C6orf52: variants seen among roughly 807,000 people sequenced by gnomAD.
C6orf52 encodes the protein putative uncharacterized protein C6orf52.
C6orf52 carries 16 observed loss-of-function variants against 16.6 expected under a neutral mutation model. The observed-to-expected ratio is 0.96, with a 90% CI of 0.65 to 1.46. The LOEUF is 1.46. Ranked by LOEUF, C6orf52 falls within the 40% of genes most tolerant of loss-of-function variation. The pLI, the probability that C6orf52 is intolerant of heterozygous loss-of-function variation, is 0.00. For missense variants in C6orf52, 166 were observed against 182.3 expected (o/e 0.91, Z 0.52); for synonymous variants, 53 against 61.4 (o/e 0.86, Z 0.64).
chr6:10,672,141 C>T (rs1221877424), intron 4 of C6orf52, among the ~76,000 whole-genome samples: 3 of 152,200 alleles, frequency 2.0e-5, no homozygotes, highest in Non-Finnish European at 4.4e-5. Flanking sequence ...TTATTGCGAA[C>T]GTATTAAACG....
chr6:10,692,929 G>C (rs1408802343), intron 1 of C6orf52, among the ~76,000 whole-genome samples: 1 of 152,188 alleles, frequency 6.6e-6, no homozygotes, highest in Non-Finnish European at 1.5e-5. Context: ...ATTTGGCGTG[G>C]ACAAAGCTGG....
At chr6:10,688,390 A>G (rs1431951991) in intron 1 of C6orf52, among the ~76,000 whole-genome samples, 3 of 152,226 alleles carry the variant, frequency 2.0e-5, no homozygotes, top group Non-Finnish European at 4.4e-5. Flanking sequence ...ATAACTTTTA[A>G]GTCCATATGG....
At chr6:10,684,149 T>TA (rs1768650077) in intron 3 of C6orf52, among the ~76,000 whole-genome samples, 1 of 152,336 alleles carries the variant, frequency 6.6e-6, no homozygotes, top group South Asian at 2.1e-4. Flanking sequence ...TCTATTTAGA[T>TA]ACGGCTAAGA....
rs752989498 is a variant in C6orf52 at position 10,694,584 on chromosome 6, G to C, written c.-102C>G. ...CAGCCCACAACAATGCACGCTGCCG[G>C]CGCTACAGCCCCTAAGCAACCGGCC... On this transcript the variant is annotated 5_prime_UTR_variant, in exon 1 of 5. Coordinates refer to ENST00000259983, the MANE Select transcript of C6orf52 (RefSeq NM_001145020.3). 1.2e-4 allele frequency: 21 copies of C among 171,912 alleles called. No homozygotes were observed. The highest frequency in any genetic ancestry group is 1.9e-4 in the Non-Finnish European group (15 of 78,336). The allele number at this position is 171,912 out of a possible 1,614,324, so 10.6% of individuals were successfully genotyped here. A position where few individuals can be genotyped will look rare whatever the true frequency, so the allele number is the denominator to read the frequency against.
chr6:10,673,946 A>G (rs1767645249), intron 4 of C6orf52, among the ~76,000 whole-genome samples: 2 of 152,238 alleles, frequency 1.3e-5, no homozygotes, highest in South Asian at 2.1e-4. Context: ...TGTTGGAATA[A>G]TATCTTGGAT....
chr6:10,691,148 T>C (rs937034748), intron 1 of C6orf52, among the ~76,000 whole-genome samples: 5 of 152,196 alleles, frequency 3.3e-5, no homozygotes, highest in African/African-American at 1.2e-4. Flanking sequence ...ACTGAATCAC[T>C]GCATTTTACC....
intron 4 of C6orf52, among the ~76,000 whole-genome samples, chr6:10,681,895 A>G (rs1173304837): frequency 6.6e-6 from 1 of 152,224 alleles, no homozygotes; most frequent in Non-Finnish European, 1.5e-5. Context: ...AAACATGCCC[A>G]CGGTGAAAAA....
At position 10,692,884 on chromosome 6, in the gene C6orf52, G is replaced by A. The variant is rs551050311; in HGVS notation, c.-12+1610C>T. ...TTTCCACTAGACTGAGAATTAGTTT[G>A]TCAACAGCATTTCAGTGTCTTGAGA... On this transcript the variant is annotated intron_variant, in intron 1 of 4. Transcript: ENST00000259983. Among the ~76,000 whole-genome samples, 3 of 152,306 alleles carry A rather than the reference G, an allele frequency of 2.0e-5. No individual in the cohort carries two copies. The South Asian group carries it at 6.2e-4, about 32-fold the overall frequency.
At chr6:10,691,844 C>A (rs897457165) in intron 1 of C6orf52, among the ~76,000 whole-genome samples, 1 of 150,936 alleles carries the variant, frequency 6.6e-6, no homozygotes, top group African/African-American at 2.4e-5. Flanking sequence ...GTTTTTTTTT[C>A]TTTTTAAAGT....
At chr6:10,685,186 A>G (rs1189472574) in intron 3 of C6orf52, among the ~76,000 whole-genome samples, 1 of 151,932 alleles carries the variant, frequency 6.6e-6, no homozygotes, top group Non-Finnish European at 1.5e-5. Context: ...TTAGAGATAT[A>G]AGGGTAACCA....
chr6:10,687,525 T>C lies in C6orf52; in HGVS notation c.26A>G (p.Asp9Gly). The change falls in exon 2 of 5, where the codon GAT (aspartate) becomes GGT (glycine). Residue 9 changes from aspartate (D) to glycine (G), a missense_variant. Transcript: ENST00000259983. ...GTTATTTTGTTGAGCTATGCCAAAA[T>C]CTGCAGAACTCTCTGGTTGGGCCAT... MAQPESSA[D>G]FGIAQQNNYY... The C allele has an allele frequency of 1.9e-6, 3 of 1,551,114 alleles. No homozygotes were observed. Among genetic ancestry groups the C allele is most frequent in the Non-Finnish European group, 2.6e-6 (3 of 1,146,574 alleles).
At chr6:10,678,506 AAC>A (rs1768086575) in intron 4 of C6orf52, among the ~76,000 whole-genome samples, 1 of 152,236 alleles carries the variant, frequency 6.6e-6, no homozygotes, top group Admixed American at 6.5e-5. Context: ...TATTAGACCT[AAC>A]AGTTTTTTGG....
intron 4 of C6orf52, among the ~76,000 whole-genome samples, chr6:10,682,882 G>A (rs1396350707): frequency 1.3e-5 from 2 of 152,128 alleles, no homozygotes; most frequent in South Asian, 2.1e-4. Flanking sequence ...GAGAATTAAA[G>A]CATAATTCTC....
chr6:10,690,911 A>G (rs1769234828), intron 1 of C6orf52, among the ~76,000 whole-genome samples: 1 of 152,180 alleles, frequency 6.6e-6, no homozygotes, highest in Non-Finnish European at 1.5e-5. Context: ...AAACAGGTAT[A>G]TAATTCTCTT....
chr6:10,672,171 G>A (rs190863264), intron 4 of C6orf52, among the ~76,000 whole-genome samples: 64 of 152,276 alleles, frequency 4.2e-4, no homozygotes, highest in Middle Eastern at 3.4e-3. Context: ...TGCCCAAGTT[G>A]TCAGGTTTCC....
intron 1 of C6orf52, among the ~76,000 whole-genome samples, chr6:10,688,015 T>C (rs1309522238): frequency 6.6e-6 from 1 of 152,160 alleles, no homozygotes; most frequent in East Asian, 1.9e-4. Flanking sequence ...CTATTGGAAC[T>C]AGCACCTGCT....
chr6:10,679,365 G>A (rs988243132), intron 4 of C6orf52, among the ~76,000 whole-genome samples: 12 of 150,682 alleles, frequency 8.0e-5, no homozygotes, highest in African/African-American at 1.5e-4. Context: ...GCTTGAACCC[G>A]GAGACGGAGG....
chr6:10,677,887 A>G (rs1277297481), intron 4 of C6orf52, among the ~76,000 whole-genome samples: 1 of 151,818 alleles, frequency 6.6e-6, no homozygotes, highest in Non-Finnish European at 1.5e-5. Context: ...TAGAGAGTAC[A>G]TTGAATCTGG....
chr6:10,683,093 CA>C (rs1349490905), intron 4 of C6orf52, 93 bp downstream of exon 4: 5 of 812,584 alleles, frequency 6.2e-6, no homozygotes, highest in Middle Eastern at 2.3e-4. Flanking sequence ...TGGAATTTTC[CA>C]ATAGAACCTT....
Sources: gnomAD v4.1 joint callset for allele counts (sites outside exome capture counted in the v4.1 genomes callset) on GRCh38, gnomAD v4.1.1 for gene constraint, MANE v1.5 for transcripts, NCBI Gene and HGNC (gene_info 2026-07-23, HGNC 2026-07-21) for gene names.